CHD8: variants seen among roughly 807,000 people sequenced by gnomAD.
CHD8 encodes ATP-dependent chromatin remodeler CHD8.
A neutral mutation model predicts 279.2 loss-of-function variants in CHD8; 31 were observed. The ratio of observed to expected loss-of-function variants is 0.11; its 90% CI spans 0.08 to 0.15. The LOEUF is 0.15. Ranked by LOEUF, CHD8 falls within the 10% of genes least tolerant of loss-of-function variation. The pLI is 1.00. For synonymous variants in CHD8, 1,081 were observed against 1,139.6 expected (o/e 0.95, Z 1.04); for missense variants, 2,146 against 3,230.5 (o/e 0.66, Z 8.14).
chr14:21,389,304 A>G (rs1382669766), intron 37 of CHD8, among the ~76,000 whole-genome samples: 1 of 78,184 alleles, frequency 1.3e-5, no homozygotes, highest in Non-Finnish European at 3.0e-5. Flanking sequence ...CGTCTCAGGA[A>G]AAAAAAAAAA....
intron 1 of CHD8, among the ~76,000 whole-genome samples, chr14:21,438,314 G>A (rs1007586250): frequency 1.3e-5 from 2 of 151,960 alleles, no homozygotes; most frequent in Non-Finnish European, 2.9e-5. Flanking sequence ...ACCCACCCCA[G>A]CCTCCCAAAG....
chr14:21,398,081 T>C, intron 26 of CHD8, 129 bp from the exon 27 acceptor site: 1 of 867,816 alleles, frequency 1.2e-6, no homozygotes, highest in South Asian at 2.0e-5. Context: ...TAGAATGTTA[T>C]CTTGGACAAC....
intron 1 of CHD8, among the ~76,000 whole-genome samples, chr14:21,442,390 G>A (rs1042172378): frequency 1.6e-4 from 25 of 151,988 alleles, no homozygotes; most frequent in African/African-American, 5.3e-4. Context: ...GCCTGAGCCC[G>A]GGAAGTTGAG....
chr14:21,411,436 T>C (rs145881912), intron 10 of CHD8, among the ~76,000 whole-genome samples: 79 of 152,308 alleles, frequency 5.2e-4, no homozygotes, highest in African/African-American at 1.8e-3. Flanking sequence ...CGGAATTTTA[T>C]AGAGGAAAGA....
At position 21,408,894 on chromosome 14, in the gene CHD8, T is replaced by C; in HGVS notation, c.2365-69A>G. ...AAAAGGTAAGACTTACTAGGTAAGT[T>C]CTAATAGTTAAAATCAATTCAAAAC... On this transcript the variant is annotated intron_variant, in intron 11 of 37. Coordinates refer to ENST00000646647, the MANE Select transcript of CHD8 (RefSeq NM_001170629.2). The surrounding 1 kb of genome is among the most constrained non-coding windows in gnomAD (Gnocchi z 4.3). The C allele has an allele frequency of 3.5e-6, 5 of 1,447,598 alleles. No homozygotes were observed. The highest frequency in any genetic ancestry group is 4.7e-6 in the Non-Finnish European group (5 of 1,065,808). 89.7% of individuals were successfully genotyped at this position (1,447,598 alleles called of 1,614,324 possible). A position where few individuals can be genotyped will look rare whatever the true frequency, so the allele number is the denominator to read the frequency against.
intron 5 of CHD8, among the ~76,000 whole-genome samples, chr14:21,418,462 G>T (rs1888846741): frequency 6.6e-6 from 1 of 152,102 alleles, no homozygotes; most frequent in Non-Finnish European, 1.5e-5. Context: ...GGAGGTTGCA[G>T]TGAGCCAAGA....
chr14:21,431,323 T>C lies in CHD8; in HGVS notation c.321A>G (p.Gln107=), dbSNP rs770738792. 11 of 1,544,904 alleles carry C rather than the reference T, an allele frequency of 7.1e-6. No homozygotes were observed. In the Admixed American group the frequency reaches 2.1e-4, roughly 30 times the overall value. ...TQPASQEQPA[Q]PVLQTSTPTS... is the part of the protein sequence containing the mutation. ...TTGGCGTCGATGTCTGTAAGACAGGTTGGGCTGGCTGCTCCTGGCTGGCAG... is the reference window on the plus strand; with the variant it reads ...TTGGCGTCGATGTCTGTAAGACAGGCTGGGCTGGCTGCTCCTGGCTGGCAG... Residue 107 remains glutamine, a synonymous_variant, in exon 2 of 38, where the codon CAA becomes CAG. Transcript: ENST00000646647.
intron 5 of CHD8, among the ~76,000 whole-genome samples, chr14:21,421,908 AG>A (rs1889061311): frequency 2.0e-5 from 3 of 152,248 alleles, no homozygotes; most frequent in Non-Finnish European, 4.4e-5. Context: ...AAAAGACACC[AG>A]GGATGTGTAC....
rs191258109 is a variant in CHD8 at position 21,403,013 on chromosome 14, T to C, written c.3714+4A>G. 130 of 1,611,346 alleles carry C rather than the reference T, an allele frequency of 8.1e-5. 3 individuals carry two copies. In the African/African-American group the frequency reaches 1.3e-3, roughly 16 times the overall value. On this transcript the variant is annotated splice_donor_region_variant and intron_variant, in intron 18 of 37. Coordinates refer to ENST00000646647, the MANE Select transcript of CHD8 (RefSeq NM_001170629.2). This position sits in a 1 kb window ranked among gnomAD's most constrained non-coding sequence, Gnocchi z 4.3. ...TTAGTCCCTAAGACAATGAATTCCT[T>C]TACCTGCAGGTCATTTTGTGGATTC... is the stretch of plus-strand genomic sequence containing the variant.
chr14:21,419,874 AAAG>A (rs1422124964), intron 5 of CHD8: 1 of 358,936 alleles, frequency 2.8e-6, no homozygotes, highest in Non-Finnish European at 5.7e-6. Context: ...TGAGCCCCCA[AAAG>A]AAGCCAGCCA....
chr14:21,419,643 C>T, intron 5 of CHD8: 1 of 179,470 alleles, frequency 5.6e-6, no homozygotes, highest in Non-Finnish European at 1.2e-5. Context: ...GCAACTGCAG[C>T]CAGACCCTGA....
Position 21,431,188 on chromosome 14 carries a change from T to C in CHD8, c.456A>G (p.Pro152=), listed in dbSNP as rs61752839. Residue 152 remains proline, a synonymous_variant, in exon 2 of 38, where the codon CCA becomes CCG. Coordinates refer to ENST00000646647, the MANE Select transcript of CHD8 (RefSeq NM_001170629.2). ...AVSSSSAGGQ[P]PQSAPKIVIL... is the part of the protein sequence containing the mutation. Reference sequence around the variant, plus strand: ...TAACAATCTTAGGGGCTGACTGAGGTGGCTGCCCTCCAGCACTACTGGAGG... The same window carrying C: ...TAACAATCTTAGGGGCTGACTGAGGCGGCTGCCCTCCAGCACTACTGGAGG... 6,630 of 1,599,118 alleles carry C rather than the reference T, an allele frequency of 4.1e-3. 18 individuals carry two copies. The highest frequency in any genetic ancestry group is 5.3e-3 in the Non-Finnish European group (6,201 of 1,179,644).
chr14:21,401,944 A>G lies in CHD8; in HGVS notation c.4062+13T>C, dbSNP rs368964808. ...TCTGTGTTTTTCTAGCCTCTGGCAT[A>G]GACAGAACATGCCTTAGCAAAGGTG... On this transcript the variant is annotated intron_variant, in intron 20 of 37. Transcript: ENST00000646647. The G allele has an allele frequency of 1.1e-5, 18 of 1,602,220 alleles. No homozygotes were observed. The African/African-American group carries it at 2.3e-4, about 20-fold the overall frequency.
At position 21,447,201 on chromosome 14, in the gene CHD8, C is replaced by T. The variant is rs564760351; in HGVS notation, c.-216+8831G>A. 3.3e-5 allele frequency among the ~76,000 whole-genome samples: 5 copies of T among 152,248 alleles called. 1 individual carries two copies. Among genetic ancestry groups the T allele is most frequent in the African/African-American group, 9.6e-5 (4 of 41,548 alleles). On this transcript the variant is annotated intron_variant, in intron 1 of 37. Transcript: ENST00000646647. ...GTAGCTGTAGCAGACACAGCTTTTA[C>T]ATAAAGCAAAAGGGGTTGTATGGCA...
chr14:21,389,173 AC>A (rs35603913), intron 37 of CHD8, among the ~76,000 whole-genome samples: 2,456 of 151,948 alleles, frequency 0.016, 63 homozygotes, highest in African/African-American at 0.057. Flanking sequence ...GGTTGCACAC[AC>A]CTGTAATCCC....
chr14:21,437,019 G>A (rs528530951), intron 1 of CHD8: 60 of 1,246,016 alleles, frequency 4.8e-5, no homozygotes, highest in Non-Finnish European at 6.0e-5. Context: ...AGGAGCTAGC[G>A]GGGGTGCCCT....
chr14:21,442,498 G>C (rs983853167), intron 1 of CHD8, among the ~76,000 whole-genome samples: 8 of 151,322 alleles, frequency 5.3e-5, no homozygotes, highest in African/African-American at 1.7e-4. Context: ...AAATTAGCCA[G>C]GCATGGTGGC....
At chr14:21,395,396 A>T in intron 28 of CHD8, 44 bp from the exon 29 acceptor site, 1 of 1,429,848 alleles carries the variant, frequency 7.0e-7, no homozygotes, top group Non-Finnish European at 9.7e-7. Context: ...GGGGAGGGAA[A>T]GGGGGGGAAG....
intron 5 of CHD8, among the ~76,000 whole-genome samples, chr14:21,421,585 A>G (rs1415867314): frequency 6.6e-6 from 1 of 152,152 alleles, no homozygotes; most frequent in Non-Finnish European, 1.5e-5. Context: ...TTAACATTCT[A>G]AATTTTTCTA....
Sources: allele counts gnomAD v4.1 joint callset (sites outside exome capture counted in the v4.1 genomes callset), GRCh38; gene constraint gnomAD v4.1.1; non-coding constraint Gnocchi (gnomAD v3.1); transcripts MANE v1.5; gene names NCBI Gene and HGNC (gene_info 2026-07-23, HGNC 2026-07-21).